Variants in F13A1 observed in about 807,000 individuals in gnomAD.
F13A1 encodes the protein coagulation factor XIII A chain, also known as FSF, A subunit.
A neutral mutation model predicts 80.1 loss-of-function variants in F13A1; 47 were observed. The ratio of observed to expected loss-of-function variants is 0.59; its 90% CI spans 0.46 to 0.75. F13A1 has a LOEUF of 0.75. Among genes scored for constraint, F13A1 ranks in the 30% least tolerant of loss-of-function variants. The pLI is 0.00. For missense variants in F13A1, 817 were observed against 930.4 expected, an observed-to-expected ratio of 0.88 and a Z score of 1.59; for synonymous variants, 349 against 344.9, an observed-to-expected ratio of 1.01 and a Z score of -0.13.
At chr6:6,311,890 G>A (rs914584828) in intron 2 of F13A1, among the ~76,000 whole-genome samples, 4 of 145,942 alleles carry the variant, frequency 2.7e-5, no homozygotes, top group Admixed American at 1.4e-4. Flanking sequence ...ATAAACCCAT[G>A]AGTTTGGTTT....
chr6:6,214,054 A>G (rs879441387), intron 8 of F13A1, among the ~76,000 whole-genome samples: 2,300 of 130,448 alleles, frequency 0.018, 5 homozygotes, highest in African/African-American at 0.067. Context: ...CTACAAAGAG[A>G]CTTAGACTCC....
At chr6:6,217,773 A>C (rs1319862936) in intron 8 of F13A1, among the ~76,000 whole-genome samples, 4 of 152,248 alleles carry the variant, frequency 2.6e-5, no homozygotes, top group Non-Finnish European at 4.4e-5. Context: ...CCATATGAGT[A>C]CTGAGGACAT....
At chr6:6,297,513 A>G (rs1388508917) in intron 3 of F13A1, among the ~76,000 whole-genome samples, 2 of 151,024 alleles carry the variant, frequency 1.3e-5, no homozygotes, top group Non-Finnish European at 2.9e-5. Flanking sequence ...CATTTCTTCT[A>G]GATTTTCTAG....
intron 13 of F13A1, among the ~76,000 whole-genome samples, chr6:6,161,524 A>ATGTGTGTGTGTGTGTG (rs143895728): frequency 0.01 from 1,337 of 133,502 alleles, 4 homozygotes; most frequent in Non-Finnish European, 0.013. Flanking sequence ...CAGAGAGAGG[A>ATGTGTGTGTGTGTGTG]TGTGTGTGTG....
chr6:6,179,228 T>TA (rs1760936418), intron 11 of F13A1, among the ~76,000 whole-genome samples: 1 of 152,176 alleles, frequency 6.6e-6, no homozygotes, highest in South Asian at 2.1e-4. Flanking sequence ...AAAGAAGATA[T>TA]ATTGCCACAG....
At chr6:6,318,966 T>G (rs1758729930) in intron 1 of F13A1, among the ~76,000 whole-genome samples, 1 of 152,124 alleles carries the variant, frequency 6.6e-6, no homozygotes, top group South Asian at 2.1e-4. Flanking sequence ...ATTAAAAGAT[T>G]TTTGGAGACC....
chr6:6,145,958 A>G (rs1469214025), intron 14 of F13A1, among the ~76,000 whole-genome samples, 186 bp from the exon 15 acceptor site: 1 of 152,224 alleles, frequency 6.6e-6, no homozygotes, highest in African/African-American at 2.4e-5. Flanking sequence ...AAAGCTCTGC[A>G]GAACCTGTCA....
intron 6 of F13A1, among the ~76,000 whole-genome samples, chr6:6,227,186 C>G (rs982412094): frequency 1.3e-5 from 2 of 152,214 alleles, no homozygotes; most frequent in Non-Finnish European, 2.9e-5. Flanking sequence ...GAGATTTACT[C>G]TAGCACTGAG....
intron 3 of F13A1, among the ~76,000 whole-genome samples, chr6:6,269,004 T>C (rs1757883372): frequency 6.6e-6 from 1 of 152,142 alleles, no homozygotes; most frequent in Admixed American, 6.5e-5. Flanking sequence ...TGTTTTTTTT[T>C]TTTAAGTATA....
intron 4 of F13A1, among the ~76,000 whole-genome samples, chr6:6,251,605 G>C (rs1366392094): frequency 6.6e-6 from 1 of 152,178 alleles, no homozygotes; most frequent in Non-Finnish European, 1.5e-5. Context: ...CCTGGTGGGA[G>C]AGCAGCAAAG....
At chr6:6,304,623 A>G (rs1758484263) in intron 3 of F13A1, among the ~76,000 whole-genome samples, 1 of 152,098 alleles carries the variant, frequency 6.6e-6, no homozygotes, top group Non-Finnish European at 1.5e-5. Context: ...GCACTTTGGG[A>G]AGCTGAGGTG....
chr6:6,179,018 G>A (rs964202), intron 11 of F13A1, among the ~76,000 whole-genome samples: 33,447 of 152,100 alleles, frequency 0.22, 4,400 homozygotes, highest in East Asian at 0.5. Context: ...TCCAGGCAGC[G>A]CTCCAGGACG....
At chr6:6,198,374 T>C (rs1190161086) in intron 8 of F13A1, among the ~76,000 whole-genome samples, 2 of 152,224 alleles carry the variant, frequency 1.3e-5, no homozygotes, top group Non-Finnish European at 2.9e-5. Flanking sequence ...CCCTCAGCAC[T>C]ATAGAAAATG....
At chr6:6,206,378 T>A (rs1451372754) in intron 8 of F13A1, 2 of 433,476 alleles carry the variant, frequency 4.6e-6, no homozygotes, top group African/African-American at 4.1e-5. Context: ...AAAATTATGA[T>A]TAACCAGAAC....
chr6:6,157,494 G>T (rs1426724535), intron 13 of F13A1, among the ~76,000 whole-genome samples: 1 of 151,964 alleles, frequency 6.6e-6, no homozygotes, highest in Non-Finnish European at 1.5e-5. Context: ...ATCATTTGCA[G>T]CATCACCTTT....
chr6:6,224,727 C>T lies in F13A1; in HGVS notation c.932G>A (p.Arg311Gln), dbSNP rs376482294. 42 of 1,613,986 alleles carry T rather than the reference C, an allele frequency of 2.6e-5. No homozygotes were observed. The highest frequency in any genetic ancestry group is 3.6e-5 in the Non-Finnish European group (42 of 1,179,980). Residue 311 changes from arginine (R) to glutamine (Q), a missense_variant, in exon 7 of 15, where the codon CGG becomes CAG. By Grantham distance (43) the Arg-to-Gln change is conservative (BLOSUM62 1). Transcript: ENST00000264870. ...AGCAAAAACCCAGCATTGGCCATAC[C>T]GGACTGGATTCTCAGAGCTCCGGTA... ...LEYRSSENPV[R>Q]YGQCWVFAGV...
intron 13 of F13A1, among the ~76,000 whole-genome samples, chr6:6,165,305 G>A (rs1760648031): frequency 6.6e-6 from 1 of 152,170 alleles, no homozygotes; most frequent in Non-Finnish European, 1.5e-5. Flanking sequence ...TTCTGATTGT[G>A]CCCTGGGGAA....
chr6:6,200,739 T>C (rs562318074), intron 8 of F13A1, among the ~76,000 whole-genome samples: 1 of 151,966 alleles, frequency 6.6e-6, no homozygotes, highest in Admixed American at 6.5e-5. Context: ...AATACCAAGG[T>C]TGCAAGAGGA....
In F13A1 at chr6:6,145,710, T is replaced by A; in HGVS notation, c.2108A>T (p.His703Leu). 4.3e-6 allele frequency: 7 copies of A among 1,614,130 alleles called. No homozygotes were observed. The highest frequency in any genetic ancestry group is 5.9e-6 in the Non-Finnish European group (7 of 1,179,994). ...EEVCRPWVSG[H>L]RKLIASMSSD... is the part of the protein sequence containing the mutation. ...GCTCATGCTGGCTATCAGCTTCCGA[T>A]GCCCAGAGACCCAGGGCCGGCACAC... Residue 703 changes from histidine (H) to leucine (L), a missense_variant, in exon 15 of 15, where the codon CAT (histidine) becomes CTT (leucine). By Grantham distance (99) the His-to-Leu change is moderately conservative. Transcript: ENST00000264870.
Sources: allele counts gnomAD v4.1 joint callset (sites outside exome capture counted in the v4.1 genomes callset), GRCh38; gene constraint gnomAD v4.1.1; transcripts MANE v1.5; gene names NCBI Gene and HGNC (gene_info 2026-07-23, HGNC 2026-07-21).